DNAAF10: variants seen among roughly 807,000 people sequenced by gnomAD.
DNAAF10 encodes the protein dynein axonemal assembly factor 10.
In DNAAF10, 28 loss-of-function variants were observed where a neutral mutation model predicts 43.7. The observed-to-expected ratio is 0.64, with a 90% CI of 0.48 to 0.88. The LOEUF (loss-of-function observed/expected upper bound fraction) is 0.88, where lower values mean the gene tolerates loss of function less well. Ranked by LOEUF, DNAAF10 falls within the 40% of genes least tolerant of loss-of-function variation. DNAAF10 has a pLI of 0.00. For synonymous variants in DNAAF10, 156 were observed against 157.3 expected (o/e 0.99, Z 0.06); for missense variants, 403 against 439.1 (o/e 0.92, Z 0.73).
intron 1 of DNAAF10, among the ~76,000 whole-genome samples, chr2:68,155,495 A>G (rs1673574541): frequency 6.7e-6 from 1 of 148,632 alleles, no homozygotes; most frequent in Non-Finnish European, 1.5e-5. Flanking sequence ...CTCCGTCTCA[A>G]AAAAAAAAAA....
At chr2:68,143,508 A>G (rs1344122165) in intron 3 of DNAAF10, among the ~76,000 whole-genome samples, 1 of 152,204 alleles carries the variant, frequency 6.6e-6, no homozygotes, top group African/African-American at 2.4e-5. Context: ...CATAAAATAT[A>G]TTTATTCCAA....
chr2:68,131,057 A>G lies in DNAAF10; in HGVS notation c.*181T>C, dbSNP rs921219403. The G allele has an allele frequency of 4.0e-6, 2 of 505,730 alleles. No homozygotes were observed. Among genetic ancestry groups the G allele is most frequent in the African/African-American group, 2.0e-5 (1 of 51,178 alleles). 31.3% of individuals were successfully genotyped at this position (505,730 alleles called of 1,614,324 possible). On this transcript the variant is annotated 3_prime_UTR_variant, in exon 8 of 8. Coordinates refer to ENST00000295121, the MANE Select transcript of DNAAF10 (RefSeq NM_138458.4). ...CAGCCTCCCAAGTAGCTAGGACTAC[A>G]GATGCCCGCCATGACACCCAGCAAA...
At chr2:68,147,709 T>A (rs1673353980) in intron 1 of DNAAF10, 142 bp from the exon 2 acceptor site, 3 of 572,866 alleles carry the variant, frequency 5.2e-6, no homozygotes, top group Non-Finnish European at 8.4e-6. Flanking sequence ...ATGAAAATAA[T>A]CTTGCTTTTT....
rs1673636295 is a variant in DNAAF10 at position 68,156,982 on chromosome 2, G to T, written c.183+279C>A. On this transcript the variant is annotated intron_variant, in intron 1 of 7. Transcript: ENST00000295121. ...AGCTGATGCCTGTCGAATGTGTTAGGTTGCCTCTTCCAACCACACTGCAGG... is the reference window on the plus strand; with the variant it reads ...AGCTGATGCCTGTCGAATGTGTTAGTTTGCCTCTTCCAACCACACTGCAGG... 1.2e-5 allele frequency: 6 copies of T among 511,738 alleles called. No homozygotes were observed. In the South Asian group the frequency reaches 1.4e-4, roughly 12 times the overall value. 31.7% of individuals were successfully genotyped at this position (511,738 alleles called of 1,614,324 possible).
Position 68,157,467 on chromosome 2 carries a change from C to T in DNAAF10, c.-24G>A. On this transcript the variant is annotated 5_prime_UTR_variant, in exon 1 of 8. Transcript: ENST00000295121. Reference sequence around the variant, plus strand: ...ATGGTGCAGCCAATTTCAGCTACGGCAACCGCCACACCCAGAGCCCCCAAA... The same window carrying T: ...ATGGTGCAGCCAATTTCAGCTACGGTAACCGCCACACCCAGAGCCCCCAAA... 1 of 1,613,436 alleles carries T rather than the reference C, an allele frequency of 6.2e-7. No homozygotes were observed. Among genetic ancestry groups the T allele is most frequent in the East Asian group, 2.2e-5 (1 of 44,876 alleles).
Position 68,147,672 on chromosome 2 carries a change from T to C in DNAAF10, c.184-105A>G, listed in dbSNP as rs1009310612. 4.0e-6 allele frequency: 3 copies of C among 743,722 alleles called. No homozygotes were observed. In the African/African-American group the frequency reaches 5.6e-5, roughly 14 times the overall value. 46.1% of individuals were successfully genotyped at this position (743,722 alleles called of 1,614,324 possible). A position where few individuals can be genotyped will look rare whatever the true frequency, so the allele number is the denominator to read the frequency against. On this transcript the variant is annotated intron_variant, in intron 1 of 7. Transcript: ENST00000295121. ...CTATTATGGCATTTAAATAAGACAATATAAAAGGCAATTAAAACATCTTCT... is the reference window on the plus strand; with the variant it reads ...CTATTATGGCATTTAAATAAGACAACATAAAAGGCAATTAAAACATCTTCT...
At chr2:68,148,651 A>T (rs992413637) in intron 1 of DNAAF10, among the ~76,000 whole-genome samples, 1 of 152,120 alleles carries the variant, frequency 6.6e-6, no homozygotes, top group Non-Finnish European at 1.5e-5. Context: ...AGATGAGGCC[A>T]CTGATATCTG....
chr2:68,154,573 G>A (rs934283815), intron 1 of DNAAF10, among the ~76,000 whole-genome samples: 1 of 152,096 alleles, frequency 6.6e-6, no homozygotes, highest in Non-Finnish European at 1.5e-5. Context: ...GTTATTCCTG[G>A]CATTGAGATT....
chr2:68,134,030 T>C, intron 7 of DNAAF10: 2 of 633,478 alleles, frequency 3.2e-6, no homozygotes, highest in Non-Finnish European at 3.9e-6. Flanking sequence ...ATATAATTTT[T>C]CCCCTCCAAG....
intron 1 of DNAAF10, among the ~76,000 whole-genome samples, chr2:68,153,987 T>G (rs1673523864): frequency 1.3e-5 from 2 of 151,998 alleles, no homozygotes; most frequent in South Asian, 4.1e-4. Context: ...TCTCCTGACC[T>G]TGTGATCCCC....
chr2:68,145,116 A>G (rs1043778663), intron 2 of DNAAF10, among the ~76,000 whole-genome samples: 7 of 152,096 alleles, frequency 4.6e-5, no homozygotes, highest in African/African-American at 1.7e-4. Context: ...CTGAAAAAAT[A>G]CTGCTTCAAA....
At chr2:68,148,847 A>G (rs1673388528) in intron 1 of DNAAF10, among the ~76,000 whole-genome samples, 1 of 152,244 alleles carries the variant, frequency 6.6e-6, no homozygotes, top group Non-Finnish European at 1.5e-5. Flanking sequence ...GAGTCCCTTT[A>G]ACACTCTCCA....
At chr2:68,153,775 CAG>C (rs1228525696) in intron 1 of DNAAF10, among the ~76,000 whole-genome samples, 3 of 105,544 alleles carry the variant, frequency 2.8e-5, no homozygotes, top group South Asian at 3.3e-4. Context: ...TTTTTGGAGA[CAG>C]AGTCTTCCTC....
chr2:68,145,149 T>A (rs1399154122), intron 2 of DNAAF10, among the ~76,000 whole-genome samples: 2 of 150,760 alleles, frequency 1.3e-5, no homozygotes, highest in Non-Finnish European at 2.9e-5. Context: ...CCCAGGGAGG[T>A]CAAGGCTGCA....
intron 2 of DNAAF10, among the ~76,000 whole-genome samples, 191 bp from the exon 3 acceptor site, chr2:68,144,906 G>T (rs1254587585): frequency 6.6e-6 from 1 of 152,064 alleles, no homozygotes; most frequent in Non-Finnish European, 1.5e-5. Context: ...CCCCCATTGA[G>T]AACTGTCATC....
intron 1 of DNAAF10, among the ~76,000 whole-genome samples, chr2:68,151,826 T>C (rs1009552720): frequency 6.6e-6 from 1 of 152,204 alleles, no homozygotes; most frequent in Non-Finnish European, 1.5e-5. Flanking sequence ...ATTTTAGATA[T>C]TCTTCCAGTC....
chr2:68,144,435 A>G, intron 3 of DNAAF10, 150 bp downstream of exon 3: 1 of 980,988 alleles, frequency 1.0e-6, no homozygotes, highest in Non-Finnish European at 1.5e-6. Flanking sequence ...ATAAGCAATC[A>G]AACTTGTCTG....
intron 7 of DNAAF10, 114 bp from the exon 8 acceptor site, chr2:68,131,559 A>G (rs1672932232): frequency 1.0e-6 from 1 of 986,286 alleles, no homozygotes; most frequent in African/African-American, 1.6e-5. Context: ...ACTAATAAAT[A>G]CTTAAAGAAT....
chr2:68,137,497 CTAAG>C (rs1201192145), intron 5 of DNAAF10, 64 bp from the exon 6 acceptor site: 2 of 1,359,714 alleles, frequency 1.5e-6, no homozygotes, highest in Non-Finnish European at 2.0e-6. Context: ...CTCTTTTATA[CTAAG>C]TAAAACAGCT....
Sources: allele counts gnomAD v4.1 joint callset (sites outside exome capture counted in the v4.1 genomes callset), GRCh38; gene constraint gnomAD v4.1.1; transcripts MANE v1.5; gene names NCBI Gene and HGNC (gene_info 2026-07-23, HGNC 2026-07-21).